The following ADK variants were observed in gnomAD, a reference collection of about 807,000 sequenced individuals.
ADK encodes N6,N6-dimethyladenosine kinase.
ADK carries 24 observed loss-of-function variants against 44.7 expected under a neutral mutation model. The observed-to-expected ratio is 0.54, with a 90% CI of 0.39 to 0.76. The LOEUF (loss-of-function observed/expected upper bound fraction) is 0.76. ADK is among the 30% of genes least tolerant of loss of function. The pLI, the probability that ADK is intolerant of heterozygous loss-of-function variation, is 0.00. For missense variants in ADK, 321 were observed against 425.1 expected (o/e 0.76, Z 2.15); for synonymous variants, 128 against 142.6 (o/e 0.90, Z 0.73).
At chr10:74,523,751 A>G (rs1386887380) in intron 6 of ADK, among the ~76,000 whole-genome samples, 1 of 152,176 alleles carries the variant, frequency 6.6e-6, no homozygotes, top group East Asian at 1.9e-4. Flanking sequence ...AAAAATCTCA[A>G]TCATCTTTTG....
chr10:74,295,767 A>G (rs1019519210), intron 3 of ADK, among the ~76,000 whole-genome samples: 2 of 152,120 alleles, frequency 1.3e-5, no homozygotes, highest in African/African-American at 4.8e-5. Flanking sequence ...TTAAAAAAAA[A>G]ATACTTAAAG....
At chr10:74,603,213 A>G (rs1852201337) in intron 9 of ADK, among the ~76,000 whole-genome samples, 1 of 152,150 alleles carries the variant, frequency 6.6e-6, no homozygotes, top group African/African-American at 2.4e-5. Flanking sequence ...AGGCAGTGCT[A>G]ACACACATAT....
At chr10:74,333,898 A>T in intron 4 of ADK, among the ~76,000 whole-genome samples, 1 of 152,108 alleles carries the variant, frequency 6.6e-6, no homozygotes, top group South Asian at 2.1e-4. Context: ...TCCTGGGTAT[A>T]TTTTTGTTTT....
chr10:74,636,832 A>G (rs1364287462), intron 9 of ADK, among the ~76,000 whole-genome samples: 6 of 152,328 alleles, frequency 3.9e-5, no homozygotes, highest in African/African-American at 9.6e-5. Flanking sequence ...AAGGCAAAGA[A>G]CAACATTCTA....
intron 3 of ADK, among the ~76,000 whole-genome samples, chr10:74,314,023 A>G (rs1840534785): frequency 1.2e-5 from 1 of 84,250 alleles, no homozygotes; most frequent in Non-Finnish European, 3.4e-5. Flanking sequence ...ATCTTTTCAT[A>G]TAATTAGATA....
At chr10:74,508,570 T>C (rs1480182468) in intron 6 of ADK, among the ~76,000 whole-genome samples, 1 of 152,230 alleles carries the variant, frequency 6.6e-6, no homozygotes, top group Non-Finnish European at 1.5e-5. Flanking sequence ...AAAGTTAATG[T>C]TGTCCAGAGT....
intron 6 of ADK, among the ~76,000 whole-genome samples, chr10:74,412,049 T>G (rs532724691): frequency 6.6e-6 from 1 of 152,354 alleles, no homozygotes; most frequent in East Asian, 1.9e-4. Context: ...CTAGTTCTCT[T>G]GCTATTTCCA....
intron 3 of ADK, among the ~76,000 whole-genome samples, chr10:74,232,040 A>G (rs533463073): frequency 1.3e-5 from 2 of 151,216 alleles, no homozygotes; most frequent in Non-Finnish European, 2.9e-5. Flanking sequence ...GTTGATTGAG[A>G]TCATTTCAGG....
intron 1 of ADK, among the ~76,000 whole-genome samples, chr10:74,165,612 G>T (rs1011963766): frequency 6.6e-6 from 1 of 151,774 alleles, no homozygotes; most frequent in Non-Finnish European, 1.5e-5. Context: ...ACAGACCCCC[G>T]AGAGGTTAAG....
chr10:74,420,983 A>C (rs1012153727), intron 6 of ADK, among the ~76,000 whole-genome samples: 1 of 152,184 alleles, frequency 6.6e-6, no homozygotes, highest in African/African-American at 2.4e-5. Context: ...ACATGATACT[A>C]TGCATTTGTT....
At chr10:74,492,820 A>T (rs1184052738) in intron 6 of ADK, among the ~76,000 whole-genome samples, 1 of 152,056 alleles carries the variant, frequency 6.6e-6, no homozygotes, top group Non-Finnish European at 1.5e-5. Flanking sequence ...TACCTGTTTT[A>T]TCCTATTGCT....
intron 6 of ADK, among the ~76,000 whole-genome samples, chr10:74,486,163 T>C (rs1475554744): frequency 6.6e-6 from 1 of 152,110 alleles, no homozygotes; most frequent in Non-Finnish European, 1.5e-5. Flanking sequence ...TGATAGTAAG[T>C]GAGTTCTCAT....
intron 4 of ADK, among the ~76,000 whole-genome samples, chr10:74,373,420 A>G (rs776719386): frequency 4.6e-5 from 7 of 152,210 alleles, no homozygotes; most frequent in African/African-American, 7.2e-5. Context: ...GCACTCACAT[A>G]TCTATTTTAT....
chr10:74,241,552 A>G (rs142179189), intron 3 of ADK, among the ~76,000 whole-genome samples: 148 of 152,106 alleles, frequency 9.7e-4, no homozygotes, highest in East Asian at 5.8e-3. Flanking sequence ...TGACCGGCAA[A>G]TTTTTGTATT....
intron 3 of ADK, among the ~76,000 whole-genome samples, chr10:74,231,103 T>C (rs1375725267): frequency 6.6e-6 from 1 of 152,210 alleles, no homozygotes; most frequent in African/African-American, 2.4e-5. Flanking sequence ...TGGAAATCAC[T>C]TCAGACCTAT....
intron 6 of ADK, among the ~76,000 whole-genome samples, chr10:74,488,820 T>C (rs1264354128): frequency 6.6e-6 from 1 of 151,868 alleles, no homozygotes; most frequent in Non-Finnish European, 1.5e-5. Context: ...TGAGATTGAG[T>C]AGCTAATCTT....
At chr10:74,697,404 G>A (rs1856246689) in intron 10 of ADK, among the ~76,000 whole-genome samples, 1 of 152,096 alleles carries the variant, frequency 6.6e-6, no homozygotes. Context: ...AGGCATAGTG[G>A]CACACACCTG....
At chr10:74,639,873 A>C (rs1036339223) in intron 9 of ADK, among the ~76,000 whole-genome samples, 2 of 152,130 alleles carry the variant, frequency 1.3e-5, no homozygotes, top group African/African-American at 2.4e-5. Context: ...AAAAAACAAA[A>C]CAAAAACAAA....
intron 4 of ADK, among the ~76,000 whole-genome samples, chr10:74,382,472 A>G (rs1843002368): frequency 6.6e-6 from 1 of 152,132 alleles, no homozygotes; most frequent in Non-Finnish European, 1.5e-5. Flanking sequence ...CTTATTTTAT[A>G]TACAGCCTAT....
Sources: allele counts gnomAD v4.1 joint callset (sites outside exome capture counted in the v4.1 genomes callset), GRCh38; gene constraint gnomAD v4.1.1; transcripts MANE v1.5; gene names NCBI Gene and HGNC (gene_info 2026-07-23, HGNC 2026-07-21).